Variants in ZNF687 observed in about 807,000 individuals in gnomAD.
ZNF687 encodes the protein zinc finger protein 687.
ZNF687 carries 13 observed loss-of-function variants against 71.8 expected under a neutral mutation model. The ratio of observed to expected loss-of-function variants is 0.18; its 90% CI spans 0.12 to 0.29. ZNF687 has a LOEUF of 0.29. Ranked by LOEUF, ZNF687 falls within the 10% of genes least tolerant of loss-of-function variation. The pLI is 1.00. For missense variants in ZNF687, 1,412 were observed against 1,625.6 expected, an observed-to-expected ratio of 0.87 and a Z score of 2.26; for synonymous variants, 673 against 641.6, an observed-to-expected ratio of 1.05 and a Z score of -0.74.
Position 151,289,396 on chromosome 1 carries a change from C to G in ZNF687, c.2490C>G (p.Ala830=). 1 of 1,614,202 alleles carries G rather than the reference C, an allele frequency of 6.2e-7. No homozygotes were observed. Among genetic ancestry groups the G allele is most frequent in the Non-Finnish European group, 8.5e-7 (1 of 1,180,042 alleles). Residue 830 remains alanine (A), a synonymous_variant, in exon 5 of 9, where the codon GCC becomes GCG. Transcript: ENST00000336715. ...TQQAKLIYKC[A]MCDTVFTHKP... Reference sequence around the variant, plus strand: ...ACTTCAGGCTGATCTACAAGTGCGCCATGTGCGACACAGTCTTCACTCACA... The same window carrying G: ...ACTTCAGGCTGATCTACAAGTGCGCGATGTGCGACACAGTCTTCACTCACA...
At position 151,291,073 on chromosome 1, in the gene ZNF687, T is replaced by C; in HGVS notation, c.3578T>C (p.Leu1193Pro). ...GACCCCGATGGTGGAGACTCACCCCTGCCTGCTTCTGGAGGCCCACTGACC... is the reference window on the plus strand; with the variant it reads ...GACCCCGATGGTGGAGACTCACCCCCGCCTGCTTCTGGAGGCCCACTGACC... The part of the protein sequence containing the change: ...RSDPDGGDSP[L>P]PASGGPLTCK... The change falls in exon 9 of 9, where the codon CTG becomes CCG. Residue 1193 changes from leucine to proline, a missense_variant. Leu to Pro is a moderately conservative substitution (Grantham distance 98). Transcript: ENST00000336715. The C allele has an allele frequency of 6.2e-7, 1 of 1,613,720 alleles. No homozygotes were observed. The highest frequency in any genetic ancestry group is 8.5e-7 in the Non-Finnish European group (1 of 1,180,002).
intron 1 of ZNF687, among the ~76,000 whole-genome samples, chr1:151,282,913 A>G (rs906049846): frequency 6.6e-6 from 1 of 152,098 alleles, no homozygotes; most frequent in East Asian, 1.9e-4. Context: ...CTGCGCCCGG[A>G]GGGGAGGGGA....
chr1:151,284,600 C>CCCTG (rs1255048267), intron 1 of ZNF687, among the ~76,000 whole-genome samples: 2 of 152,040 alleles, frequency 1.3e-5, no homozygotes. Context: ...CCTGCATGAC[C>CCCTG]CCTGACTCTT....
At chr1:151,289,322 A>T in intron 4 of ZNF687, 51 bp downstream of exon 4, 1 of 1,612,966 alleles carries the variant, frequency 6.2e-7, no homozygotes, top group Non-Finnish European at 8.5e-7. Context: ...GGTGGGGCGC[A>T]GGAGGGGAGG....
Position 151,290,077 on chromosome 1 carries a change from C to T in ZNF687, c.2965-45C>T, listed in dbSNP as rs146148961. ...GGGACTGCCAGTGTGACAGTGGGGA[C>T]GGGGTCCTGGAGCCTGGCTCTGACA... On this transcript the variant is annotated intron_variant, in intron 6 of 8. Transcript: ENST00000336715. 916 of 1,611,440 alleles carry T rather than the reference C, an allele frequency of 5.7e-4. 4 individuals are homozygous for T. In the African/African-American group the frequency reaches 9.1e-3, roughly 16 times the overall value.
At chr1:151,284,696 A>G (rs1693867638) in intron 1 of ZNF687, among the ~76,000 whole-genome samples, 1 of 151,510 alleles carries the variant, frequency 6.6e-6, no homozygotes. Context: ...GTTCATCTGG[A>G]ATAGTAAATC....
rs1188780826 is a variant in ZNF687 at position 151,291,360 on chromosome 1, A to C, written c.*151A>C. On this transcript the variant is annotated 3_prime_UTR_variant, in exon 9 of 9. Coordinates refer to ENST00000336715, the MANE Select transcript of ZNF687 (RefSeq NM_020832.3). The stretch of plus-strand genomic sequence containing the variant: ...TGAAGAAGAAGAGCATTTGAGGATT[A>C]TTCTAGTTATTTGCAACCTCCCTTT... The C allele has an allele frequency of 6.2e-6, 7 of 1,132,690 alleles. No homozygotes were observed. The highest frequency in any genetic ancestry group is 8.5e-6 in the Non-Finnish European group (7 of 825,726). The allele number at this position is 1,132,690 out of a possible 1,614,324, so 70.2% of individuals were successfully genotyped here. A position where few individuals can be genotyped will look rare whatever the true frequency, so the allele number is the denominator to read the frequency against.
chr1:151,287,660 G>A lies in ZNF687; in HGVS notation c.1369G>A (p.Gly457Arg). Residue 457 changes from glycine (G) to arginine (R), a missense_variant, in exon 2 of 9, where the codon GGG (glycine) becomes AGG (arginine). Gly to Arg is a moderately radical substitution (Grantham distance 125, BLOSUM62 -2). Transcript: ENST00000336715. The surrounding 1 kb of genome is among the most constrained non-coding windows in gnomAD (Gnocchi z 5.0). ...CCTGCCTAAGGCTGACGGGCGGGCA[G>A]GGCTGGGGACTGGGGGACAGAAGGT... ...QALPKADGRA[G>R]LGTGGQKVNG... 2 of 1,613,552 alleles carry A rather than the reference G, an allele frequency of 1.2e-6. No individual in the cohort carries two copies. Among genetic ancestry groups the A allele is most frequent in the Non-Finnish European group, 1.7e-6 (2 of 1,179,808 alleles).
intron 1 of ZNF687, among the ~76,000 whole-genome samples, chr1:151,284,767 T>TA (rs1254924033): frequency 2.0e-5 from 3 of 151,398 alleles, no homozygotes; most frequent in South Asian, 2.1e-4. Flanking sequence ...AACCCTATGA[T>TA]ACATAGATCA....
rs1234587367 is a variant in ZNF687 at position 151,287,407 on chromosome 1, G to T, written c.1116G>T (p.Lys372Asn). 6.2e-7 allele frequency: 1 copy of T among 1,614,194 alleles called. No individual in the cohort carries two copies. Among genetic ancestry groups the T allele is most frequent in the Admixed American group, 1.7e-5 (1 of 60,028 alleles). ...TCTTGGCTGAGGCTAGCCTCTTGAA[G>T]CTGTCCCCTGCAACACCTACTTCTG... ...GAFLAEASLL[K>N]LSPATPTSEG... The change falls in exon 2 of 9, where the codon AAG becomes AAT. Residue 372 changes from lysine (K) to asparagine (N), a missense_variant. By Grantham distance (94) the Lys-to-Asn change is moderately conservative (BLOSUM62 0). Around this residue, in one of 8 missense-constraint regions of ZNF687, gnomAD observed 490 missense variants for 489.9 expected, o/e 1.00. Transcript: ENST00000336715. This position sits in a 1 kb window ranked among gnomAD's most constrained non-coding sequence, Gnocchi z 5.0.
chr1:151,288,603 C>A lies in ZNF687; in HGVS notation c.2191C>A (p.Pro731Thr). Residue 731 changes from proline (P) to threonine (T), a missense_variant, in exon 3 of 9, where the codon CCC becomes ACC. Around this residue, in one of 8 missense-constraint regions of ZNF687, gnomAD observed 207 missense variants for 239.2 expected, o/e 0.87. Coordinates refer to ENST00000336715, the MANE Select transcript of ZNF687 (RefSeq NM_020832.3). ...SAHQRMHKNR[P>T]PHVCPECGGN... The stretch of plus-strand genomic sequence containing the variant: ...CCACCAGCGCATGCATAAGAATCGA[C>A]CCCCCCATGTCTGTCCTGAGTGTGG... The A allele has an allele frequency of 1.2e-6, 2 of 1,614,060 alleles. No homozygotes were observed. Among genetic ancestry groups the A allele is most frequent in the Non-Finnish European group, 1.7e-6 (2 of 1,179,974 alleles).
chr1:151,282,479 G>A (rs1441039094), intron 1 of ZNF687, 84 bp downstream of exon 1: 23 of 928,338 alleles, frequency 2.5e-5, no homozygotes, highest in Non-Finnish European at 2.8e-5. Context: ...TCCCCCACTT[G>A]GTCAACTACC....
rs1255566546 is a variant in ZNF687, at chr1:151,289,848, T to C, written c.2805T>C (p.Pro935=). The change falls in exon 6 of 9, where the codon CCT becomes CCC. Residue 935 remains proline (P), a synonymous_variant. Coordinates refer to ENST00000336715, the MANE Select transcript of ZNF687 (RefSeq NM_020832.3). ...AAGAGGAGGAAGTACCCAGCTCCCCTGAGCCCCCCCGTCCAGCCAAACGGC... is the reference window on the plus strand; with the variant it reads ...AAGAGGAGGAAGTACCCAGCTCCCCCGAGCCCCCCCGTCCAGCCAAACGGC... ...SSEEEEVPSS[P]EPPRPAKRPR... The C allele has an allele frequency of 6.4e-7, 1 of 1,568,338 alleles. No individual in the cohort carries two copies. The highest frequency in any genetic ancestry group is 1.2e-5 in the South Asian group (1 of 85,928).
Position 151,290,104 on chromosome 1 carries a change from C to A in ZNF687, c.2965-18C>A. The A allele has an allele frequency of 6.2e-7, 1 of 1,613,698 alleles. No homozygotes were observed. The highest frequency in any genetic ancestry group is 1.1e-5 in the South Asian group (1 of 91,080). On this transcript the variant is annotated intron_variant, in intron 6 of 8. Coordinates refer to ENST00000336715, the MANE Select transcript of ZNF687 (RefSeq NM_020832.3). ...GGGTCCTGGAGCCTGGCTCTGACATCTACCCCTGCTCTCCTAGTCAGTGAA... is the reference window on the plus strand; with the variant it reads ...GGGTCCTGGAGCCTGGCTCTGACATATACCCCTGCTCTCCTAGTCAGTGAA...
At position 151,286,615 on chromosome 1, in the gene ZNF687, G is replaced by A; in HGVS notation, c.324G>A (p.Gln108=). 6.2e-7 allele frequency: 1 copy of A among 1,614,248 alleles called. No homozygotes were observed. The highest frequency in any genetic ancestry group is 1.1e-5 in the South Asian group (1 of 91,086). The change falls in exon 2 of 9, where the codon CAG becomes CAA. Residue 108 remains glutamine, a synonymous_variant. Coordinates refer to ENST00000336715, the MANE Select transcript of ZNF687 (RefSeq NM_020832.3). The part of the protein sequence containing the change: ...LAGGSAGDGA[Q]AAGVTKEGPV... ...GAGGCTCAGCAGGAGACGGGGCCCAGGCTGCTGGGGTAACTAAAGAAGGGC... is the reference window on the plus strand; with the variant it reads ...GAGGCTCAGCAGGAGACGGGGCCCAAGCTGCTGGGGTAACTAAAGAAGGGC...
chr1:151,283,904 G>C, intron 1 of ZNF687: 7 of 985,342 alleles, frequency 7.1e-6, no homozygotes, highest in Non-Finnish European at 8.4e-6. Context: ...CTGGGAAATG[G>C]CCTGCAACCT....
chr1:151,287,229 A>T lies in ZNF687; in HGVS notation c.938A>T (p.Asp313Val). 1 of 1,614,188 alleles carries T rather than the reference A, an allele frequency of 6.2e-7. No homozygotes were observed. The highest frequency in any genetic ancestry group is 8.5e-7 in the Non-Finnish European group (1 of 1,180,028). ...QSPSSGAEAA[D>V]EDSNDSPASS... ...CCCTCTAGTGGGGCCGAGGCTGCAG[A>T]TGAGGACAGCAATGACTCCCCTGCC... is the stretch of plus-strand genomic sequence containing the variant. The change falls in exon 2 of 9, where the codon GAT becomes GTT. Residue 313 changes from aspartate (D) to valine (V), a missense_variant. Asp to Val is a radical substitution (Grantham distance 152, BLOSUM62 -3). Transcript: ENST00000336715. This position sits in a 1 kb window ranked among gnomAD's most constrained non-coding sequence, Gnocchi z 5.0.
rs927700373 is a variant in ZNF687, at chr1:151,289,501, G to A, written c.2595G>A (p.Leu865=). The change falls in exon 5 of 9, where the codon CTG becomes CTA. Residue 865 remains leucine, a synonymous_variant. Transcript: ENST00000336715. ...TCTTTAAGTGCCCGTCTTGTCCTCT[G>A]CTCTTTGCCCAAAAAAGGACCATGC... ...VSVFKCPSCP[L]LFAQKRTMLE... 4 of 1,613,982 alleles carry A rather than the reference G, an allele frequency of 2.5e-6. No individual in the cohort carries two copies. The South Asian group carries it at 4.4e-5, about 18-fold the overall frequency.
chr1:151,288,769 T>G, intron 3 of ZNF687, 63 bp downstream of exon 3: 1 of 1,522,888 alleles, frequency 6.6e-7, no homozygotes, highest in Non-Finnish European at 8.9e-7. Context: ...CAGCCTCAGA[T>G]GGCCTTTCAA....
Sources: gnomAD v4.1 joint callset for allele counts (sites outside exome capture counted in the v4.1 genomes callset) on GRCh38, gnomAD v4.1.1 for gene constraint, gnomAD v4.1.1 regional missense constraint, Gnocchi (gnomAD v3.1) non-coding constraint, MANE v1.5 for transcripts, NCBI Gene and HGNC (gene_info 2026-07-23, HGNC 2026-07-21) for gene names.